Variants in DNA2 observed in about 807,000 individuals in gnomAD.
The protein encoded by DNA2 is DNA replication helicase/nuclease 2, also known as DNA replication ATP-dependent helicase/nuclease DNA2.
Under a neutral mutation model 119.1 loss-of-function variants are expected in DNA2, and 101 were observed. That is an observed-to-expected ratio of 0.85 (90% CI 0.72 to 1.00). The LOEUF is 1.00. Among genes scored for constraint, DNA2 ranks in the 50% least tolerant of loss-of-function variants. DNA2 has a pLI of 0.00. For synonymous variants in DNA2, 366 were observed against 424.4 expected (o/e 0.86, Z 1.69); for missense variants, 1,121 against 1,255.5 (o/e 0.89, Z 1.62).
intron 17 of DNA2, among the ~76,000 whole-genome samples, 166 bp downstream of exon 17, chr10:68,422,059 C>T (rs762029592): frequency 6.6e-6 from 1 of 152,062 alleles, no homozygotes; most frequent in Non-Finnish European, 1.5e-5. Context: ...GTGATCTGCC[C>T]GCCTTGGCCT....
chr10:68,452,193 C>T (rs2052128101), intron 5 of DNA2, among the ~76,000 whole-genome samples: 1 of 152,064 alleles, frequency 6.6e-6, no homozygotes, highest in Admixed American at 6.6e-5. Context: ...AGCAATCCTT[C>T]TGTTTCAGCC....
intron 10 of DNA2, among the ~76,000 whole-genome samples, chr10:68,435,390 AGGCCAGGCGTGGT>A (rs2051874393): frequency 6.6e-6 from 1 of 151,892 alleles, no homozygotes; most frequent in South Asian, 2.1e-4. Flanking sequence ...ATTTTTATTT[AGGCCAGGCGTGGT>A]GGCTCACAAG....
intron 14 of DNA2, among the ~76,000 whole-genome samples, chr10:68,424,349 CA>C (rs909027987): frequency 6.6e-6 from 1 of 151,922 alleles, no homozygotes; most frequent in Non-Finnish European, 1.5e-5. Context: ...ACAAAAAATA[CA>C]AAAATAAGCT....
At chr10:68,426,956 A>G in intron 14 of DNA2, among the ~76,000 whole-genome samples, 1 of 152,228 alleles carries the variant, frequency 6.6e-6, no homozygotes, top group East Asian at 1.9e-4. Flanking sequence ...CATATCCATT[A>G]AAGGGCTAGT....
At chr10:68,451,096 TAAAAAAAAAAAA>T (rs754298528) in intron 5 of DNA2, among the ~76,000 whole-genome samples, 3 of 98,848 alleles carry the variant, frequency 3.0e-5, no homozygotes, top group Admixed American at 2.3e-4. Context: ...CAAGACTGTC[TAAAAAAAAAAAA>T]AAAAAAAAAG....
Position 68,470,033 on chromosome 10 carries a change from T to G in DNA2, c.205A>C (p.Thr69Pro). Residue 69 changes from threonine (T) to proline (P), a missense_variant, in exon 2 of 21, where the codon ACT (threonine) becomes CCT (proline). Transcript: ENST00000358410. ...EGNCEKRLVI[T>P]ASQSLENKEL... Reference sequence around the variant, plus strand: ...TTATTTTCTAGTGACTGTGAAGCAGTGATGACCAGGCGCTTTTCACAGTTT... The same window carrying G: ...TTATTTTCTAGTGACTGTGAAGCAGGGATGACCAGGCGCTTTTCACAGTTT... 3 of 1,613,522 alleles carry G rather than the reference T, an allele frequency of 1.9e-6. No individual in the cohort carries two copies. The highest frequency in any genetic ancestry group is 2.5e-6 in the Non-Finnish European group (3 of 1,179,808).
chr10:68,454,721 G>A (rs1177324445), intron 5 of DNA2, among the ~76,000 whole-genome samples: 3 of 151,772 alleles, frequency 2.0e-5, no homozygotes, highest in African/African-American at 7.3e-5. Context: ...CAGAAGAATC[G>A]CTTGAACCTG....
At chr10:68,433,383 C>T (rs934537496) in intron 10 of DNA2, among the ~76,000 whole-genome samples, 17 of 152,170 alleles carry the variant, frequency 1.1e-4, no homozygotes, top group African/African-American at 4.1e-4. Flanking sequence ...ACTGCAACAG[C>T]TTCCAGGTTT....
intron 14 of DNA2, among the ~76,000 whole-genome samples, chr10:68,430,222 A>AAT (rs1294792982): frequency 6.6e-6 from 1 of 152,068 alleles, no homozygotes; most frequent in Admixed American, 6.6e-5. Context: ...GGATATTTGA[A>AAT]ACTAGAAGAG....
intron 5 of DNA2, among the ~76,000 whole-genome samples, chr10:68,453,710 T>C (rs1345618311): frequency 6.6e-6 from 1 of 152,200 alleles, no homozygotes; most frequent in Non-Finnish European, 1.5e-5. Context: ...GCCTACAGTA[T>C]TCAGTACAGT....
At chr10:68,452,881 G>A (rs913614933) in intron 5 of DNA2, among the ~76,000 whole-genome samples, 2 of 150,464 alleles carry the variant, frequency 1.3e-5, no homozygotes, top group African/African-American at 2.4e-5. Flanking sequence ...ACCATGCGCG[G>A]CCACTATATG....
intron 10 of DNA2, among the ~76,000 whole-genome samples, chr10:68,435,706 G>A (rs535358748): frequency 7.2e-5 from 11 of 151,868 alleles, no homozygotes; most frequent in South Asian, 2.1e-4. Flanking sequence ...CGCCCAACTC[G>A]GCCTCCCAAA....
intron 10 of DNA2, among the ~76,000 whole-genome samples, chr10:68,434,580 A>C (rs1191434835): frequency 6.6e-6 from 1 of 152,028 alleles, no homozygotes; most frequent in African/African-American, 2.4e-5. Context: ...TGATCCCAGG[A>C]AGTCCAGGCT....
At chr10:68,470,564 C>G (rs961985177) in intron 1 of DNA2, 7 of 448,868 alleles carry the variant, frequency 1.6e-5, no homozygotes, top group Admixed American at 1.0e-4. Flanking sequence ...CAGTGAGATA[C>G]GATCATGCTA....
In DNA2 at chr10:68,459,103, C is replaced by T; in HGVS notation, c.719+1G>A. On this transcript the variant is annotated splice_donor_variant, in intron 5 of 20. Transcript: ENST00000358410. LOFTEE classifies it high-confidence loss of function. ...ATATATAAACAAAATGTGTTTCTTA[C>T]AGAGAGAGCTGCATCTGAGGGAAGT... 2 of 1,590,806 alleles carry T rather than the reference C, an allele frequency of 1.3e-6. No homozygotes were observed. Among genetic ancestry groups the T allele is most frequent in the South Asian group, 1.2e-5 (1 of 86,550 alleles).
At chr10:68,417,391 C>CAAAAAAAAAAAAAAAA (rs35777569) in intron 19 of DNA2, among the ~76,000 whole-genome samples, 1 of 77,504 alleles carries the variant, frequency 1.3e-5, no homozygotes, top group Non-Finnish European at 2.3e-5. Context: ...ATAAGAAAAC[C>CAAAAAAAAAAAAAAAA]AAAAAAAAAA....
chr10:68,425,400 G>T lies in DNA2; in HGVS notation c.2209-2510C>A, dbSNP rs1239791034. 5.6e-5 allele frequency among the ~76,000 whole-genome samples: 8 copies of T among 142,862 alleles called. No homozygotes were observed. The South Asian group carries it at 1.8e-3, about 32-fold the overall frequency. 93.7% of individuals were successfully genotyped at this position (142,862 alleles called of 152,430 possible). A position where few individuals can be genotyped will look rare whatever the true frequency, so the allele number is the denominator to read the frequency against. ...TGAGCCACTGGGCCCGGCCATGTTT[G>T]TGTTCTTTTTTTTTTTTTGAGATGG... On this transcript the variant is annotated intron_variant, in intron 14 of 20. Transcript: ENST00000358410.
chr10:68,461,484 C>T (rs1342203808), intron 4 of DNA2: 3 of 152,074 alleles, frequency 2.0e-5, no homozygotes, highest in African/African-American at 7.2e-5. Context: ...TTGGTTACTA[C>T]TTGGATGGGA....
At position 68,437,357 on chromosome 10, in the gene DNA2, C is replaced by G. The variant is rs765786033; in HGVS notation, c.1416-116G>C. ...GACTCCTAAAAATTATTATTGAGGCCGGGTGTGGTGGCTCACGCCTGTAAT... is the reference window on the plus strand; with the variant it reads ...GACTCCTAAAAATTATTATTGAGGCGGGGTGTGGTGGCTCACGCCTGTAAT... On this transcript the variant is annotated intron_variant, in intron 9 of 20. Transcript: ENST00000358410. 3.3e-6 allele frequency: 3 copies of G among 913,120 alleles called. No homozygotes were observed. In the East Asian group the frequency reaches 8.0e-5, roughly 24 times the overall value. The allele number at this position is 913,120 out of a possible 1,614,324, so 56.6% of individuals were successfully genotyped here. A position where few individuals can be genotyped will look rare whatever the true frequency, so the allele number is the denominator to read the frequency against.
Sources: gnomAD v4.1 joint callset for allele counts (sites outside exome capture counted in the v4.1 genomes callset) on GRCh38, gnomAD v4.1.1 for gene constraint, MANE v1.5 for transcripts, NCBI Gene and HGNC (gene_info 2026-07-23, HGNC 2026-07-21) for gene names.